EHBP1: variants seen among roughly 807,000 people sequenced by gnomAD.
The protein encoded by EHBP1 is EH domain binding protein 1.
EHBP1 carries 55 observed loss-of-function variants against 144.0 expected under a neutral mutation model. The ratio of observed to expected loss-of-function variants is 0.38; its 90% CI spans 0.31 to 0.48. EHBP1 has a LOEUF of 0.48. Ranked by LOEUF, EHBP1 falls within the 20% of genes least tolerant of loss-of-function variation. EHBP1 has a pLI of 0.98. For synonymous variants in EHBP1, 469 were observed against 472.7 expected (o/e 0.99, Z 0.10); for missense variants, 1,200 against 1,364.2 (o/e 0.88, Z 1.90).
intron 7 of EHBP1, among the ~76,000 whole-genome samples, chr2:62,839,404 T>G (rs1405820586): frequency 2.2e-5 from 3 of 135,962 alleles, no homozygotes; most frequent in Non-Finnish European, 4.7e-5. Flanking sequence ...GGGCAAAAAC[T>G]GGAAGCATTC....
At chr2:62,718,364 C>G (rs2035887369) in intron 2 of EHBP1, among the ~76,000 whole-genome samples, 1 of 152,158 alleles carries the variant, frequency 6.6e-6, no homozygotes, top group South Asian at 2.1e-4. Flanking sequence ...AAATTCAGTT[C>G]TTCAGTTACA....
chr2:62,882,171 A>G (rs1238822500), intron 10 of EHBP1, among the ~76,000 whole-genome samples: 1 of 152,082 alleles, frequency 6.6e-6, no homozygotes, highest in East Asian at 1.9e-4. Flanking sequence ...CTGTATTTTT[A>G]TTGTTTTAGA....
intron 10 of EHBP1, among the ~76,000 whole-genome samples, 174 bp from the exon 11 acceptor site, chr2:62,942,544 A>C (rs1420933458): frequency 1.3e-5 from 2 of 152,246 alleles, no homozygotes; most frequent in Non-Finnish European, 2.9e-5. Context: ...CTAAAACTGA[A>C]GATAATTTAA....
chr2:62,711,275 A>T (rs148617712), intron 2 of EHBP1, among the ~76,000 whole-genome samples: 14 of 152,322 alleles, frequency 9.2e-5, no homozygotes, highest in African/African-American at 3.1e-4. Flanking sequence ...TTATGTACCC[A>T]TGTAGCTGGA....
intron 3 of EHBP1, among the ~76,000 whole-genome samples, chr2:62,754,995 C>G (rs1392702646): frequency 3.3e-5 from 5 of 152,188 alleles, no homozygotes; most frequent in Admixed American, 2.6e-4. Flanking sequence ...ACCCACTGTC[C>G]TGCACCCACT....
chr2:62,834,426 C>A (rs2047057914), intron 7 of EHBP1, among the ~76,000 whole-genome samples: 1 of 152,118 alleles, frequency 6.6e-6, no homozygotes, highest in Non-Finnish European at 1.5e-5. Context: ...CAACCACCAC[C>A]CTAATTAATC....
At chr2:62,817,660 G>A (rs994371446) in intron 5 of EHBP1, among the ~76,000 whole-genome samples, 4 of 152,180 alleles carry the variant, frequency 2.6e-5, no homozygotes. Flanking sequence ...CAAGGCAAAG[G>A]CAGGAGCAGC....
chr2:62,890,655 C>T (rs1244057303), intron 10 of EHBP1, among the ~76,000 whole-genome samples: 1 of 152,108 alleles, frequency 6.6e-6, no homozygotes, highest in East Asian at 1.9e-4. Context: ...CTGCGGTGTT[C>T]TCTAGATATT....
rs1010548248 is a variant in EHBP1, at chr2:62,916,340, C to T, written c.1186-26378C>T. 2.0e-5 allele frequency among the ~76,000 whole-genome samples: 3 copies of T among 151,842 alleles called. No individual in the cohort carries two copies. In the East Asian group the frequency reaches 5.8e-4, roughly 29 times the overall value. On this transcript the variant is annotated intron_variant, in intron 10 of 22. Transcript: ENST00000431489. The stretch of plus-strand genomic sequence containing the variant: ...GGTGCAGTGGCTCACACCTGTAATC[C>T]CAGCACTTTGGGAGGCCAAGGCGGG...
At chr2:62,994,231 A>G (rs2059540274) in intron 18 of EHBP1, 2 of 238,072 alleles carry the variant, frequency 8.4e-6, no homozygotes, top group Admixed American at 1.0e-4. Flanking sequence ...GGCACTTCCC[A>G]TAAAGAGATT....
At chr2:62,909,035 G>T (rs895653637) in intron 10 of EHBP1, among the ~76,000 whole-genome samples, 1 of 152,212 alleles carries the variant, frequency 6.6e-6, no homozygotes, top group Non-Finnish European at 1.5e-5. Context: ...TGTGGGCCTA[G>T]ATCAGAGGAA....
chr2:62,690,583 T>TA (rs954331793), intron 1 of EHBP1, among the ~76,000 whole-genome samples: 4 of 151,646 alleles, frequency 2.6e-5, no homozygotes, highest in East Asian at 1.9e-4. Context: ...ATTAATTAAA[T>TA]AAAAAAAATT....
At chr2:62,733,738 G>C (rs937514436) in intron 2 of EHBP1, among the ~76,000 whole-genome samples, 2 of 152,342 alleles carry the variant, frequency 1.3e-5, no homozygotes, top group East Asian at 3.9e-4. Context: ...CACTGTGAGA[G>C]AACCTGGTAG....
intron 1 of EHBP1, among the ~76,000 whole-genome samples, chr2:62,680,223 C>T (rs2151726783): frequency 6.6e-6 from 1 of 152,310 alleles, no homozygotes; most frequent in East Asian, 1.9e-4. Flanking sequence ...AACAACATGT[C>T]TCCCATTTGA....
chr2:62,831,532 T>C (rs1339754850), intron 7 of EHBP1, among the ~76,000 whole-genome samples: 4 of 152,192 alleles, frequency 2.6e-5, no homozygotes, highest in African/African-American at 9.7e-5. Flanking sequence ...TTCTATTTCA[T>C]ATTCATTTAT....
chr2:62,948,825 T>C lies in EHBP1; in HGVS notation c.1979T>C (p.Leu660Ser), dbSNP rs1362945392. 1.9e-6 allele frequency: 3 copies of C among 1,614,144 alleles called. No individual in the cohort carries two copies. Among genetic ancestry groups the C allele is most frequent in the South Asian group, 1.1e-5 (1 of 91,082 alleles). The change falls in exon 13 of 23, where the codon TTA becomes TCA. Residue 660 changes from leucine to serine, a missense_variant. Leu to Ser is a moderately radical substitution (Grantham distance 145). Around this residue, in one of 6 missense-constraint regions of EHBP1, gnomAD observed 543 missense variants for 513.1 expected, o/e 1.06. Transcript: ENST00000431489. Reference sequence around the variant, plus strand: ...AAGAGACTATTGAAAGCTGAGACTTTAGAATTGAGTGACTTATATGTTAGT... The same window carrying C: ...AAGAGACTATTGAAAGCTGAGACTTCAGAATTGAGTGACTTATATGTTAGT... ...GKKRLLKAETLELSDLYVSDK... is the reference protein window; with the variant it reads ...GKKRLLKAETSELSDLYVSDK...
chr2:62,913,807 T>A (rs2054400197), intron 10 of EHBP1, among the ~76,000 whole-genome samples: 1 of 152,216 alleles, frequency 6.6e-6, no homozygotes, highest in Non-Finnish European at 1.5e-5. Context: ...CTTCTTTTCA[T>A]GATAAGCTTT....
At chr2:62,821,652 C>G (rs971610047) in intron 5 of EHBP1, among the ~76,000 whole-genome samples, 1 of 152,134 alleles carries the variant, frequency 6.6e-6, no homozygotes, top group Non-Finnish European at 1.5e-5. Context: ...TGCACTCTAT[C>G]CTGGGTGACA....
intron 5 of EHBP1, among the ~76,000 whole-genome samples, chr2:62,773,842 C>T (rs2041851588): frequency 1.5e-5 from 1 of 68,914 alleles, no homozygotes; most frequent in Non-Finnish European, 2.6e-5. Context: ...TACAGCAAGA[C>T]TCCATCTCAA....
Sources: allele counts gnomAD v4.1 joint callset (sites outside exome capture counted in the v4.1 genomes callset), GRCh38; gene constraint gnomAD v4.1.1; regional missense constraint gnomAD v4.1.1; transcripts MANE v1.5; gene names NCBI Gene and HGNC (gene_info 2026-07-23, HGNC 2026-07-21).